Variants in DLG2 observed in about 807,000 individuals in gnomAD.
DLG2 encodes the protein disks large homolog 2.
A neutral mutation model predicts 132.5 loss-of-function variants in DLG2; 45 were observed. The ratio of observed to expected loss-of-function variants is 0.34; its 90% CI spans 0.27 to 0.44. DLG2 has a LOEUF of 0.44. Among genes scored for constraint, DLG2 ranks in the 20% least tolerant of loss-of-function variants. The pLI is 1.00. For synonymous variants in DLG2, 424 were observed against 419.6 expected (o/e 1.01, Z -0.13); for missense variants, 1,045 against 1,196.9 (o/e 0.87, Z 1.87).
intron 10 of DLG2, among the ~76,000 whole-genome samples, chr11:84,067,981 G>A (rs1368620845): frequency 6.6e-6 from 1 of 152,084 alleles, no homozygotes; most frequent in Non-Finnish European, 1.5e-5. Flanking sequence ...GGCTTAACCT[G>A]GTTCACTTGT....
chr11:84,145,355 G>T (rs1339793336), intron 9 of DLG2, among the ~76,000 whole-genome samples: 1 of 152,150 alleles, frequency 6.6e-6, no homozygotes, highest in Admixed American at 6.5e-5. Flanking sequence ...AGGCTACATG[G>T]TATAGACCAT....
At chr11:85,356,397 G>C (rs1463903301) in intron 3 of DLG2, among the ~76,000 whole-genome samples, 1 of 151,992 alleles carries the variant, frequency 6.6e-6, no homozygotes, top group Non-Finnish European at 1.5e-5. Context: ...TGAGGAAAGG[G>C]AGTCACACTT....
chr11:84,502,416 A>G (rs569482383), intron 7 of DLG2, among the ~76,000 whole-genome samples: 1 of 85,982 alleles, frequency 1.2e-5, no homozygotes, highest in Non-Finnish European at 2.2e-5. Context: ...CTTTCTTTCT[A>G]TACAGAGTCT....
chr11:84,774,569 C>A (rs1189414414), intron 6 of DLG2, among the ~76,000 whole-genome samples: 2 of 152,098 alleles, frequency 1.3e-5, no homozygotes, highest in Admixed American at 1.3e-4. Flanking sequence ...CTACATTAAC[C>A]AAAACAGTAT....
intron 3 of DLG2, among the ~76,000 whole-genome samples, chr11:85,365,851 C>T (rs1008147695): frequency 1.3e-5 from 2 of 152,140 alleles, no homozygotes; most frequent in Non-Finnish European, 2.9e-5. Context: ...CAAAACACCC[C>T]ATGTTCTCAC....
chr11:85,303,540 T>C (rs2079741738), intron 3 of DLG2, among the ~76,000 whole-genome samples: 1 of 152,200 alleles, frequency 6.6e-6, no homozygotes, highest in African/African-American at 2.4e-5. Flanking sequence ...CAGGTTGATA[T>C]AAAAGTCACA....
chr11:84,991,838 T>C (rs573042477), intron 6 of DLG2, among the ~76,000 whole-genome samples: 21 of 152,352 alleles, frequency 1.4e-4, no homozygotes, highest in African/African-American at 5.0e-4. Flanking sequence ...AAAGCTGTTA[T>C]ATGTATCATC....
chr11:84,391,366 T>A (rs540609815), intron 7 of DLG2, among the ~76,000 whole-genome samples: 13 of 152,286 alleles, frequency 8.5e-5, no homozygotes, highest in African/African-American at 3.1e-4. Context: ...AAGAAACCAA[T>A]GACAATGTTT....
At chr11:83,639,609 G>T (rs1361706522) in intron 18 of DLG2, among the ~76,000 whole-genome samples, 2 of 151,660 alleles carry the variant, frequency 1.3e-5, no homozygotes, top group African/African-American at 4.8e-5. Context: ...GCCTGTTGTG[G>T]GGTGGGGGGA....
chr11:85,193,563 TCTTC>T (rs2080787537), intron 4 of DLG2, among the ~76,000 whole-genome samples: 1 of 152,192 alleles, frequency 6.6e-6, no homozygotes, highest in African/African-American at 2.4e-5. Flanking sequence ...TAATCAAACT[TCTTC>T]CTTCTGGTGG....
intron 4 of DLG2, among the ~76,000 whole-genome samples, chr11:85,200,020 C>T (rs2081339568): frequency 6.6e-6 from 1 of 151,320 alleles, no homozygotes; most frequent in Non-Finnish European, 1.5e-5. Context: ...ATGCTCATTT[C>T]CCCCACAACA....
At chr11:83,982,289 A>G (rs190400139) in intron 11 of DLG2, among the ~76,000 whole-genome samples, 128 of 152,206 alleles carry the variant, frequency 8.4e-4, no homozygotes, top group Admixed American at 1.7e-3. Flanking sequence ...GAGGTATCCT[A>G]CAAGAAGGCA....
intron 6 of DLG2, among the ~76,000 whole-genome samples, chr11:84,714,617 T>TTCTCTCTCTCTCTCTCTCTCTC (rs1197538413): frequency 1.0e-5 from 1 of 96,606 alleles, no homozygotes; most frequent in African/African-American, 4.4e-5. Flanking sequence ...CTCTTTCTCT[T>TTCTCTCTCTCTCTCTCTCTCTC]TCTCTTTCTC....
At chr11:84,857,232 ATC>A (rs953070219) in intron 6 of DLG2, among the ~76,000 whole-genome samples, 17 of 151,996 alleles carry the variant, frequency 1.1e-4, no homozygotes, top group East Asian at 5.8e-4. Flanking sequence ...CGAAAAGAAA[ATC>A]TGTTTGTTTC....
chr11:85,396,300 T>C (rs1206222099), intron 3 of DLG2, among the ~76,000 whole-genome samples: 1 of 152,050 alleles, frequency 6.6e-6, no homozygotes. Flanking sequence ...CAAAGGTAGA[T>C]ATAACCACAA....
At chr11:84,441,132 A>AATTATT (rs57445306) in intron 7 of DLG2, among the ~76,000 whole-genome samples, 52,303 of 148,494 alleles carry the variant, frequency 0.35, 14,229 homozygotes, top group African/African-American at 0.76. Flanking sequence ...GATGTTAGTA[A>AATTATT]ATTATTATTA....
intron 14 of DLG2, among the ~76,000 whole-genome samples, chr11:83,954,219 T>C (rs568430037): frequency 1.3e-5 from 2 of 152,296 alleles, no homozygotes; most frequent in South Asian, 2.1e-4. Flanking sequence ...TTTTCTAATA[T>C]ATATTTGGAT....
chr11:84,532,113 GT>G (rs1420170735), intron 7 of DLG2, among the ~76,000 whole-genome samples: 174 of 97,588 alleles, frequency 1.8e-3, no homozygotes, highest in African/African-American at 6.4e-3. Context: ...TCATTGTTCT[GT>G]TCATTTTTTT....
chr11:84,056,312 C>T (rs1300826725), intron 11 of DLG2, among the ~76,000 whole-genome samples: 1 of 152,056 alleles, frequency 6.6e-6, no homozygotes, highest in African/African-American at 2.4e-5. Context: ...CGACTGAGAC[C>T]ATGTGGTGTT....
Sources: allele counts gnomAD v4.1 joint callset (sites outside exome capture counted in the v4.1 genomes callset), GRCh38; gene constraint gnomAD v4.1.1; transcripts MANE v1.5; gene names NCBI Gene and HGNC (gene_info 2026-07-23, HGNC 2026-07-21).